CBX3: variants seen among roughly 807,000 people sequenced by gnomAD.
CBX3 encodes the protein chromobox 3.
In CBX3, 5 loss-of-function variants were observed where a neutral mutation model predicts 22.6. The observed-to-expected ratio is 0.22, with a 90% confidence interval of 0.12 to 0.47. The LOEUF is 0.47. Among genes scored for constraint, CBX3 ranks in the 20% least tolerant of loss-of-function variants. The pLI is 0.99. For missense variants in CBX3, 83 were observed against 208.1 expected, an observed-to-expected ratio of 0.40 and a Z score of 3.70; for synonymous variants, 50 against 66.6, an observed-to-expected ratio of 0.75 and a Z score of 1.21.
rs553001708 is a variant in CBX3 at position 26,203,469 on chromosome 7, A to G, written c.24+447A>G. 3.3e-4 allele frequency among the ~76,000 whole-genome samples: 51 copies of G among 152,312 alleles called. 2 individuals carry two copies. In the South Asian group the frequency reaches 9.9e-3, roughly 30 times the overall value. ...GGAGCAAAAGTCATTGAATCTTTCAAATTACTTTGGTCACTTTATCTTGTT... is the reference window on the plus strand; with the variant it reads ...GGAGCAAAAGTCATTGAATCTTTCAGATTACTTTGGTCACTTTATCTTGTT... On this transcript the variant is annotated intron_variant, in intron 2 of 5. Transcript: ENST00000396386.
rs1272669264 is a variant in CBX3, at chr7:26,212,917, A to G, written c.*709A>G. 6.6e-6 allele frequency: 1 copy of G among 151,106 alleles called. No homozygotes were observed. The highest frequency in any genetic ancestry group is 6.6e-5 in the Admixed American group (1 of 15,266). The allele number at this position is 151,106 out of a possible 1,614,324, so 9.4% of individuals were successfully genotyped here. A position where few individuals can be genotyped will look rare whatever the true frequency, so the allele number is the denominator to read the frequency against. On this transcript the variant is annotated 3_prime_UTR_variant, in exon 6 of 6. Transcript: ENST00000396386. Reference sequence around the variant, plus strand: ...GCAGGTTTCCTCATCCAGATGAGGAAACTAGACAAATGCTAGTGTGTTTTA... The same window carrying G: ...GCAGGTTTCCTCATCCAGATGAGGAGACTAGACAAATGCTAGTGTGTTTTA...
At chr7:26,208,224 G>T (rs780493889) in intron 3 of CBX3, 169 bp from the exon 4 acceptor site, 6 of 470,686 alleles carry the variant, frequency 1.3e-5, no homozygotes, top group Non-Finnish European at 2.3e-5. Flanking sequence ...CCTGTCTCTG[G>T]CGGAGGCAGG....
chr7:26,203,241 T>G (rs1381429702), intron 2 of CBX3, among the ~76,000 whole-genome samples: 1 of 152,234 alleles, frequency 6.6e-6, no homozygotes, highest in East Asian at 1.9e-4. Context: ...AGGCTAATCT[T>G]TGAAGGACAG....
At chr7:26,204,931 A>G (rs1784640477) in intron 2 of CBX3, among the ~76,000 whole-genome samples, 1 of 152,254 alleles carries the variant, frequency 6.6e-6, no homozygotes, top group East Asian at 1.9e-4. Context: ...CTGGGATTAC[A>G]GGCATGCACC....
At chr7:26,212,046 C>A (rs780811182) in intron 5 of CBX3, 36 bp from the exon 6 acceptor site, 3 of 1,469,310 alleles carry the variant, frequency 2.0e-6, no homozygotes, top group East Asian at 5.0e-5. Flanking sequence ...TGAACAACTT[C>A]GACTTGTAAC....
rs553215147 is a variant in CBX3 at position 26,204,170 on chromosome 7, A to G, written c.24+1148A>G. ...TATACTATAAAAGAAAATAGTGAGC[A>G]TTTGAAACTAGCTTATGAATGCCAT... On this transcript the variant is annotated intron_variant, in intron 2 of 5. Coordinates refer to ENST00000396386, the MANE Select transcript of CBX3 (RefSeq NM_016587.4). Among the ~76,000 whole-genome samples the G allele has an allele frequency of 5.8e-3, 876 of 152,202 alleles. 8 individuals are homozygous for G. Among genetic ancestry groups the G allele is most frequent in the African/African-American group, 0.02 (846 of 41,546 alleles).
intron 1 of CBX3, 82 bp downstream of exon 1, chr7:26,201,908 GCTCCCCTCCC>G (rs761600680): frequency 6.6e-6 from 1 of 151,382 alleles, no homozygotes; most frequent in Admixed American, 6.6e-5. Context: ...CCGGTTCTCC[GCTCCCCTCCC>G]CTCCCCTTCT....
In CBX3 at chr7:26,208,625, T is replaced by A. The variant is rs1184764503; in HGVS notation, c.330+70T>A. ...TTGATGGCTTGATTTCTTTTTTGTT[T>A]GTTTGTTTTTTTGAGATGGAGTCTT... On this transcript the variant is annotated intron_variant, in intron 4 of 5. Coordinates refer to ENST00000396386, the MANE Select transcript of CBX3 (RefSeq NM_016587.4). The A allele has an allele frequency of 5.5e-6, 8 of 1,451,310 alleles. No individual in the cohort carries two copies. The Admixed American group carries it at 1.2e-4, about 22-fold the overall frequency. The allele number at this position is 1,451,310 out of a possible 1,614,324, so 89.9% of individuals were successfully genotyped here. A position where few individuals can be genotyped will look rare whatever the true frequency, so the allele number is the denominator to read the frequency against.
chr7:26,202,800 T>C (rs1784579130), intron 1 of CBX3, 171 bp from the exon 2 acceptor site: 1 of 617,632 alleles, frequency 1.6e-6, no homozygotes, highest in Non-Finnish European at 2.9e-6. Context: ...TTAGGACACG[T>C]ACTTAAGTAC....
chr7:26,204,719 CT>C (rs1433459663), intron 2 of CBX3, among the ~76,000 whole-genome samples: 2 of 152,076 alleles, frequency 1.3e-5, no homozygotes, highest in Non-Finnish European at 2.9e-5. Context: ...CTGCTTGCTG[CT>C]TTACTTGTGG....
At chr7:26,211,980 C>T in intron 5 of CBX3, 102 bp from the exon 6 acceptor site, 2 of 1,108,862 alleles carry the variant, frequency 1.8e-6, no homozygotes, top group South Asian at 4.1e-5. Flanking sequence ...TCCTGGAGCA[C>T]TTCAATACCT....
rs188262844 is a variant in CBX3, at chr7:26,203,301, C to T, written c.24+279C>T. ...TTTTATCTTCAAATAGAAATACACA[C>T]ATTTTTGCAGCGTTGAAAAATGTTA... On this transcript the variant is annotated intron_variant, in intron 2 of 5. Transcript: ENST00000396386. 2.6e-5 allele frequency among the ~76,000 whole-genome samples: 4 copies of T among 152,240 alleles called. No individual in the cohort carries two copies. The East Asian group carries it at 5.8e-4, about 22-fold the overall frequency.
chr7:26,206,630 T>C (rs2128137422), intron 3 of CBX3, 120 bp downstream of exon 3: 1 of 924,526 alleles, frequency 1.1e-6, no homozygotes, highest in Non-Finnish European at 1.7e-6. Flanking sequence ...GTAAAGACAC[T>C]TTGAATTTTA....
Position 26,211,256 on chromosome 7 carries a change from T to C in CBX3, c.331-406T>C, listed in dbSNP as rs184720192. 2.6e-5 allele frequency among the ~76,000 whole-genome samples: 4 copies of C among 152,336 alleles called. No homozygotes were observed. In the East Asian group the frequency reaches 7.7e-4, roughly 29 times the overall value. Reference sequence around the variant, plus strand: ...TGAGTTTTAACATTTTTAATATTTCTTACCGTTTGTGTTTTGTTTATGCTT... The same window carrying C: ...TGAGTTTTAACATTTTTAATATTTCCTACCGTTTGTGTTTTGTTTATGCTT... On this transcript the variant is annotated intron_variant, in intron 4 of 5. Coordinates refer to ENST00000396386, the MANE Select transcript of CBX3 (RefSeq NM_016587.4).
chr7:26,211,123 A>G (rs919739089), intron 4 of CBX3, among the ~76,000 whole-genome samples: 1 of 152,034 alleles, frequency 6.6e-6, no homozygotes, highest in Non-Finnish European at 1.5e-5. Context: ...CAATGTTTTA[A>G]GAAAGTTTAC....
At chr7:26,203,415 A>C (rs1442069350) in intron 2 of CBX3, among the ~76,000 whole-genome samples, 1 of 152,194 alleles carries the variant, frequency 6.6e-6, no homozygotes, top group East Asian at 1.9e-4. Context: ...GCCCAATTTA[A>C]AGAACAAGGT....
chr7:26,211,185 T>C (rs1784796391), intron 4 of CBX3, among the ~76,000 whole-genome samples: 1 of 152,226 alleles, frequency 6.6e-6, no homozygotes, highest in Admixed American at 6.5e-5. Context: ...TACACAAGTT[T>C]GTTCTAACAT....
At chr7:26,205,037 C>G (rs1179026858) in intron 2 of CBX3, among the ~76,000 whole-genome samples, 1 of 152,222 alleles carries the variant, frequency 6.6e-6, no homozygotes, top group Non-Finnish European at 1.5e-5. Flanking sequence ...GATCTGCCCA[C>G]CTCGGCCTCC....
chr7:26,208,977 C>A (rs1398929807), intron 4 of CBX3, among the ~76,000 whole-genome samples: 1 of 116,584 alleles, frequency 8.6e-6, no homozygotes, highest in East Asian at 2.8e-4. Context: ...CTCCCTCTGT[C>A]ACCCAGGCTG....
Sources: allele counts gnomAD v4.1 joint callset (sites outside exome capture counted in the v4.1 genomes callset), GRCh38; gene constraint gnomAD v4.1.1; transcripts MANE v1.5; gene names NCBI Gene and HGNC (gene_info 2026-07-23, HGNC 2026-07-21).